DNAH5: variants seen among roughly 807,000 people sequenced by gnomAD.
DNAH5 encodes the protein dynein axonemal heavy chain 5.
Under a neutral mutation model 518.2 loss-of-function variants are expected in DNAH5, and 372 were observed. That is an observed-to-expected ratio of 0.72 (90% CI 0.66 to 0.78). The LOEUF (loss-of-function observed/expected upper bound fraction) is 0.78, where lower values mean the gene tolerates loss of function less well. DNAH5 is among the 30% of genes least tolerant of loss of function. The pLI is 0.00. For synonymous variants in DNAH5, 2,039 were observed against 2,025.9 expected, an observed-to-expected ratio of 1.01 and a Z score of -0.17; for missense variants, 5,523 against 5,687.0, an observed-to-expected ratio of 0.97 and a Z score of 0.93.
At chr5:13,958,618 T>C (rs987138301) in intron 1 of DNAH5, among the ~76,000 whole-genome samples, 17 of 152,316 alleles carry the variant, frequency 1.1e-4, no homozygotes, top group Non-Finnish European at 2.4e-4. Flanking sequence ...ACAGCCATTT[T>C]ATTTTCGTAA....
At chr5:13,983,304 T>A (rs79657865) in intron 1 of DNAH5, among the ~76,000 whole-genome samples, 1 of 152,250 alleles carries the variant, frequency 6.6e-6, no homozygotes, top group East Asian at 1.9e-4. Context: ...CTGGTTCCCA[T>A]CCAAACCTGG....
At chr5:13,800,450 A>G (rs1758573467) in intron 47 of DNAH5, among the ~76,000 whole-genome samples, 1 of 152,190 alleles carries the variant, frequency 6.6e-6, no homozygotes, top group Non-Finnish European at 1.5e-5. Context: ...AAGTGGCACC[A>G]ACTACCTATT....
chr5:13,702,258 T>A (rs17262393), intron 76 of DNAH5, among the ~76,000 whole-genome samples: 9,164 of 152,326 alleles, frequency 0.06, 410 homozygotes, highest in Non-Finnish European at 0.086. Context: ...AACCTGGGTA[T>A]AACACTTGAA....
intron 15 of DNAH5, chr5:13,896,822 C>T (rs1027194193): frequency 6.6e-6 from 1 of 152,120 alleles, no homozygotes; most frequent in African/African-American, 2.4e-5. Flanking sequence ...GTAACCATGT[C>T]AATATTAATA....
upstream of DNAH5, among the ~76,000 whole-genome samples, chr5:13,945,909 G>A (rs2152030747): frequency 6.6e-6 from 1 of 152,238 alleles, no homozygotes. Flanking sequence ...AGGCCCTGCA[G>A]GATATTTGTT....
intron 61 of DNAH5, among the ~76,000 whole-genome samples, chr5:13,756,731 G>GTTA (rs1461101980): frequency 2.0e-5 from 3 of 152,128 alleles, no homozygotes; most frequent in Admixed American, 2.0e-4. Context: ...CAGTTCAGGG[G>GTTA]TATGTGTACA....
At chr5:13,958,435 A>G (rs1219510903) in intron 1 of DNAH5, among the ~76,000 whole-genome samples, 3 of 152,074 alleles carry the variant, frequency 2.0e-5, no homozygotes, top group Non-Finnish European at 4.4e-5. Flanking sequence ...ATTTTTGTAA[A>G]TTGCCTGTTC....
chr5:13,900,800 A>G, intron 14 of DNAH5: 1 of 319,408 alleles, frequency 3.1e-6, no homozygotes, highest in Admixed American at 4.7e-5. Context: ...AACAATGAAC[A>G]CAGCTATGGA....
Position 13,885,147 on chromosome 5 carries a change from G to A in DNAH5, c.2825C>T (p.Thr942Met), listed in dbSNP as rs1332078256. Reference protein sequence around the residue: ...RANALLLTTVTRKKKETEMLG... With the variant: ...RANALLLTTVMRKKKETEMLG... ...CATCTCAGTTTCTTTCTTTTTCCTC[G>A]TGACTGTCGTCAAAAGCAGGGCATT... The change falls in exon 19 of 79, where the codon ACG becomes ATG. Residue 942 changes from threonine to methionine, a missense_variant. Coordinates refer to ENST00000265104, the MANE Select transcript of DNAH5 (RefSeq NM_001369.3). 6.2e-6 allele frequency: 10 copies of A among 1,614,016 alleles called. No individual in the cohort carries two copies. The highest frequency in any genetic ancestry group is 2.2e-5 in the East Asian group (1 of 44,884).
chr5:13,770,680 CA>C (rs2126784984), intron 56 of DNAH5, 68 bp downstream of exon 56: 3 of 1,424,564 alleles, frequency 2.1e-6, no homozygotes, highest in East Asian at 4.6e-5. Context: ...AAATAGCCAC[CA>C]GGGCAAATCT....
upstream of DNAH5, among the ~76,000 whole-genome samples, chr5:13,946,920 C>T (rs957059946): frequency 1.3e-5 from 2 of 152,240 alleles, no homozygotes; most frequent in African/African-American, 2.4e-5. Context: ...CAGATGTTTA[C>T]TCAGACATTT....
rs547989654 is a variant in DNAH5, at chr5:13,901,179, TA to T, written c.2052+72del. On this transcript the variant is annotated intron_variant, in intron 14 of 78. Transcript: ENST00000265104. ...CTACAAATCCAGCTTTCTAAAGAAA[TA>T]ACACTGTCAAATGCTAGAAGAGGGG... 266 of 1,516,306 alleles carry T rather than the reference TA, an allele frequency of 1.8e-4. 1 individual carries two copies. In the African/African-American group the frequency reaches 3.2e-3, roughly 18 times the overall value. 93.9% of individuals were successfully genotyped at this position (1,516,306 alleles called of 1,614,324 possible).
intron 1 of DNAH5, among the ~76,000 whole-genome samples, chr5:14,004,150 G>A (rs995903048): frequency 5.9e-5 from 9 of 152,192 alleles, no homozygotes; most frequent in African/African-American, 7.2e-5. Context: ...TTGCTGCTTC[G>A]TGTCTGTTTA....
intron 17 of DNAH5, among the ~76,000 whole-genome samples, chr5:13,888,284 A>G (rs1032327297): frequency 5.9e-5 from 9 of 152,162 alleles, no homozygotes; most frequent in Non-Finnish European, 1.2e-4. Flanking sequence ...ACCTGAGCAT[A>G]TGAACACCCA....
chr5:13,968,776 T>C (rs1781693558), intron 1 of DNAH5, among the ~76,000 whole-genome samples: 1 of 152,208 alleles, frequency 6.6e-6, no homozygotes, highest in Admixed American at 6.5e-5. Context: ...TGTAGTTTTC[T>C]TTCTTTGTTA....
chr5:13,993,591 G>C (rs938167959), intron 1 of DNAH5, among the ~76,000 whole-genome samples: 1 of 152,184 alleles, frequency 6.6e-6, no homozygotes, highest in Non-Finnish European at 1.5e-5. Flanking sequence ...CATTGACTTA[G>C]ACATAATCGT....
chr5:13,880,603 A>C (rs936537563), intron 21 of DNAH5, among the ~76,000 whole-genome samples: 1 of 152,030 alleles, frequency 6.6e-6, no homozygotes, highest in Non-Finnish European at 1.5e-5. Context: ...AATCAAAACT[A>C]TGTTGTTACC....
intron 1 of DNAH5, among the ~76,000 whole-genome samples, chr5:13,972,969 T>C (rs1249787961): frequency 6.6e-6 from 1 of 152,198 alleles, no homozygotes; most frequent in Non-Finnish European, 1.5e-5. Context: ...TTTTTCAAAA[T>C]GTCCATTTCT....
chr5:13,732,403 G>A (rs1397737371), intron 68 of DNAH5, among the ~76,000 whole-genome samples: 1 of 152,076 alleles, frequency 6.6e-6, no homozygotes, highest in Admixed American at 6.5e-5. Flanking sequence ...GTCTTGCTCT[G>A]TCACCCAGGC....
Sources: gnomAD v4.1 joint callset for allele counts (sites outside exome capture counted in the v4.1 genomes callset) on GRCh38, gnomAD v4.1.1 for gene constraint, MANE v1.5 for transcripts, NCBI Gene and HGNC (gene_info 2026-07-23, HGNC 2026-07-21) for gene names.